Variants in AKNAD1 observed in about 807,000 individuals in gnomAD.
The protein encoded by AKNAD1 is AKNA domain containing 1.
A neutral mutation model predicts 90.8 loss-of-function variants in AKNAD1; 67 were observed. The ratio of observed to expected loss-of-function variants is 0.74; its 90% confidence interval spans 0.61 to 0.90. The LOEUF is 0.90. Among genes scored for constraint, AKNAD1 ranks in the 40% least tolerant of loss-of-function variants. The probability of loss-of-function intolerance (pLI) is 0.00; values close to 1 mark genes in which losing one functional copy is unlikely to be tolerated. For missense variants in AKNAD1, 957 were observed against 975.4 expected (o/e 0.98, Z 0.25); for synonymous variants, 327 against 341.4 (o/e 0.96, Z 0.46).
At chr1:108,818,610 G>A (rs1767037) in intron 14 of AKNAD1, among the ~76,000 whole-genome samples, 43,157 of 151,844 alleles carry the variant, frequency 0.28, 6,904 homozygotes, top group East Asian at 0.69. Context: ...CTTTACATGC[G>A]GGGAAATGGA....
intron 5 of AKNAD1, 35 bp from the exon 6 acceptor site, chr1:108,843,302 C>A (rs764456819): frequency 1.2e-6 from 2 of 1,609,672 alleles, no homozygotes; most frequent in Non-Finnish European, 1.7e-6. Flanking sequence ...CATTCACATG[C>A]AAGCCTGTGT....
chr1:108,839,857 C>CA (rs932425861), intron 6 of AKNAD1, among the ~76,000 whole-genome samples: 5 of 151,712 alleles, frequency 3.3e-5, no homozygotes, highest in Non-Finnish European at 4.4e-5. Context: ...CATGTCTCTA[C>CA]AAAAAAAATT....
chr1:108,844,712 T>C (rs1202198404), intron 5 of AKNAD1, among the ~76,000 whole-genome samples: 1 of 152,188 alleles, frequency 6.6e-6, no homozygotes, highest in East Asian at 1.9e-4. Context: ...CTTCAGTTTC[T>C]ACATCTGTAA....
intron 10 of AKNAD1, among the ~76,000 whole-genome samples, chr1:108,829,965 G>T (rs997468569): frequency 6.6e-6 from 1 of 152,162 alleles, no homozygotes; most frequent in Non-Finnish European, 1.5e-5. Context: ...TTCTCCTGAG[G>T]ATTTTACATG....
At chr1:108,841,335 G>A (rs1664545663) in intron 6 of AKNAD1, among the ~76,000 whole-genome samples, 1 of 152,122 alleles carries the variant, frequency 6.6e-6, no homozygotes, top group Non-Finnish European at 1.5e-5. Context: ...GGGATTTGGA[G>A]ATAGAAGAGA....
Position 108,834,909 on chromosome 1 carries a change from G to A in AKNAD1, c.1664+20C>T. 6.6e-7 allele frequency: 1 copy of A among 1,514,410 alleles called. No individual in the cohort carries two copies. Among genetic ancestry groups the A allele is most frequent in the Non-Finnish European group, 8.8e-7 (1 of 1,138,928 alleles). The allele number at this position is 1,514,410 out of a possible 1,614,324, so 93.8% of individuals were successfully genotyped here. On this transcript the variant is annotated intron_variant, in intron 8 of 15. Coordinates refer to ENST00000370001, the MANE Select transcript of AKNAD1 (RefSeq NM_152763.5). ...CTTTCTGTGTCCTGTGTCTGCTGGG[G>A]CTCCAGGGCTAGGACTCACGTCTGC...
chr1:108,819,379 G>T (rs1444876495), intron 14 of AKNAD1, among the ~76,000 whole-genome samples: 1 of 151,942 alleles, frequency 6.6e-6, no homozygotes, highest in Non-Finnish European at 1.5e-5. Flanking sequence ...AGTGCTTTGG[G>T]TGACTGAGGT....
intron 11 of AKNAD1, among the ~76,000 whole-genome samples, chr1:108,825,890 T>C (rs61797359): frequency 0.11 from 16,843 of 151,840 alleles, 1,421 homozygotes; most frequent in African/African-American, 0.2. Flanking sequence ...AAAAATTTAG[T>C]GAGAAGAGTG....
intron 5 of AKNAD1, among the ~76,000 whole-genome samples, chr1:108,844,251 T>G (rs1664637276): frequency 6.6e-6 from 1 of 152,060 alleles, no homozygotes; most frequent in African/African-American, 2.4e-5. Context: ...TAATCCCAGC[T>G]ACCTGGGAGG....
Position 108,849,021 on chromosome 1 carries a change from G to T in AKNAD1, c.1073C>A (p.Thr358Asn). The T allele has an allele frequency of 1.2e-6, 2 of 1,609,816 alleles. No homozygotes were observed. Among genetic ancestry groups the T allele is most frequent in the Non-Finnish European group, 1.7e-6 (2 of 1,178,978 alleles). Residue 358 changes from threonine (T) to asparagine (N), a missense_variant, in exon 4 of 16, where the codon ACC becomes AAC. Physicochemically the swap from Thr to Asn is moderately conservative, Grantham distance 65. Transcript: ENST00000370001. Reference protein sequence around the residue: ...SEASLSKLSPTSQKGTSSSSS... With the variant: ...SEASLSKLSPNSQKGTSSSSS... The stretch of plus-strand genomic sequence containing the variant: ...ACTTGAGGAAGTGCCTTTCTGAGAG[G>T]TTGGTGACAACTTAGAGAGACTTGC...
At chr1:108,846,061 C>T (rs1277674293) in intron 5 of AKNAD1, among the ~76,000 whole-genome samples, 1 of 152,186 alleles carries the variant, frequency 6.6e-6, no homozygotes, top group Non-Finnish European at 1.5e-5. Context: ...CTCATAACAA[C>T]TCTGAAAGGG....
At position 108,837,496 on chromosome 1, in the gene AKNAD1, T is replaced by TG. The variant is rs34356950; in HGVS notation, c.1536+53dup. The TG allele has an allele frequency of 2.8e-5, 43 of 1,540,200 alleles. No homozygotes were observed. In the Admixed American group the frequency reaches 7.7e-4, roughly 28 times the overall value. On this transcript the variant is annotated intron_variant, in intron 7 of 15. Transcript: ENST00000370001. ...AATCCATGAATTAGGAGTCTATAAATGCAAAAACACCATTTTTCCTGGCAC... is the reference window on the plus strand; with the variant it reads ...AATCCATGAATTAGGAGTCTATAAATGGCAAAAACACCATTTTTCCTGGCAC...
At position 108,852,778 on chromosome 1, in the gene AKNAD1, T is replaced by C. The variant is rs1664911163; in HGVS notation, c.-103-11A>G. 1 of 913,544 alleles carries C rather than the reference T, an allele frequency of 1.1e-6. No individual in the cohort carries two copies. Among genetic ancestry groups the C allele is most frequent in the East Asian group, 2.5e-5 (1 of 40,332 alleles). 56.6% of individuals were successfully genotyped at this position (913,544 alleles called of 1,614,324 possible). A position where few individuals can be genotyped will look rare whatever the true frequency, so the allele number is the denominator to read the frequency against. On this transcript the variant is annotated splice_polypyrimidine_tract_variant and intron_variant, in intron 1 of 15. Coordinates refer to ENST00000370001, the MANE Select transcript of AKNAD1 (RefSeq NM_152763.5). ...TCACTGTGTGCTATTCTGTGTGAAA[T>C]GAGAACAGCCTCATTGTTAAATATA...
Position 108,852,607 on chromosome 1 carries a change from C to T in AKNAD1, c.58G>A (p.Asp20Asn). ...ATCTTAATCTGAGAGAGGTCCCCATCATAAGGCAAATCCTCCTGCTTATAA... is the reference window on the plus strand; with the variant it reads ...ATCTTAATCTGAGAGAGGTCCCCATTATAAGGCAAATCCTCCTGCTTATAA... ...TTYKQEDLPY[D>N]GDLSQIKIGN... Residue 20 changes from aspartate to asparagine, a missense_variant, in exon 2 of 16, where the codon GAT becomes AAT. By Grantham distance (23) the Asp-to-Asn change is conservative. Coordinates refer to ENST00000370001, the MANE Select transcript of AKNAD1 (RefSeq NM_152763.5). The T allele has an allele frequency of 6.2e-7, 1 of 1,609,852 alleles. No homozygotes were observed. The highest frequency in any genetic ancestry group is 8.5e-7 in the Non-Finnish European group (1 of 1,178,398).
rs1240680397 is a variant in AKNAD1, at chr1:108,843,263, A to G, written c.1250T>C (p.Leu417Pro). 2 of 1,613,564 alleles carry G rather than the reference A, an allele frequency of 1.2e-6. No individual in the cohort carries two copies. Among genetic ancestry groups the G allele is most frequent in the East Asian group, 2.2e-5 (1 of 44,882 alleles). The change falls in exon 6 of 16, where the codon CTG becomes CCG. Residue 417 changes from leucine (L) to proline (P), a missense_variant. Physicochemically the swap from Leu to Pro is moderately conservative, Grantham distance 98 (BLOSUM62 -3). Coordinates refer to ENST00000370001, the MANE Select transcript of AKNAD1 (RefSeq NM_152763.5). ...PYHLQDKKLVLEKLQGHLELL... is the reference protein window; with the variant it reads ...PYHLQDKKLVPEKLQGHLELL... ...TTCAAGGTGTCCCTGCAGTTTCTCC[A>G]GGACCTGCAGCGGTGAAGTCACTGG...
In AKNAD1 at chr1:108,830,569, G is replaced by T; in HGVS notation, c.1828C>A (p.Leu610Ile). 7 of 1,614,046 alleles carry T rather than the reference G, an allele frequency of 4.3e-6. No individual in the cohort carries two copies. The highest frequency in any genetic ancestry group is 5.9e-6 in the Non-Finnish European group (7 of 1,180,014). The change falls in exon 10 of 16, where the codon CTC becomes ATC. Residue 610 changes from leucine to isoleucine, a missense_variant. Coordinates refer to ENST00000370001, the MANE Select transcript of AKNAD1 (RefSeq NM_152763.5). ...PSPSCAFCRR[L>I]LEWKQNVEKK... Reference sequence around the variant, plus strand: ...ACAAGAAGCCCTCACCATTCAAGGAGCCTGCGACAGAAGGCACAGCTCGGA... The same window carrying T: ...ACAAGAAGCCCTCACCATTCAAGGATCCTGCGACAGAAGGCACAGCTCGGA...
chr1:108,850,790 C>G (rs1469637727), intron 2 of AKNAD1, among the ~76,000 whole-genome samples: 1 of 152,100 alleles, frequency 6.6e-6, no homozygotes, highest in African/African-American at 2.4e-5. Context: ...TGCCCAAGAA[C>G]TAAAATGTAT....
intron 6 of AKNAD1, 141 bp from the exon 7 acceptor site, chr1:108,837,847 T>G (rs995235517): frequency 2.6e-4 from 236 of 919,798 alleles, no homozygotes; most frequent in Non-Finnish European, 3.5e-4. Context: ...GGAGCCCGCA[T>G]GACTGTTCAT....
At chr1:108,843,581 G>A (rs1453438824) in intron 5 of AKNAD1, among the ~76,000 whole-genome samples, 1 of 152,118 alleles carries the variant, frequency 6.6e-6, no homozygotes, top group Non-Finnish European at 1.5e-5. Flanking sequence ...TTTGCAGAAT[G>A]GTTTTTAGCT....
Sources: gnomAD v4.1 joint callset for allele counts (sites outside exome capture counted in the v4.1 genomes callset) on GRCh38, gnomAD v4.1.1 for gene constraint, MANE v1.5 for transcripts, NCBI Gene and HGNC (gene_info 2026-07-23, HGNC 2026-07-21) for gene names.